The following PLXDC2 variants were observed in gnomAD, a reference collection of about 807,000 sequenced individuals.
The protein encoded by PLXDC2 is plexin domain containing 2, also known as plexin domain-containing protein 2.
PLXDC2 carries 40 observed loss-of-function variants against 68.9 expected under a neutral mutation model. The ratio of observed to expected loss-of-function variants is 0.58; its 90% CI spans 0.45 to 0.76. The LOEUF is 0.76. Ranked by LOEUF, PLXDC2 falls within the 30% of genes least tolerant of loss-of-function variation. PLXDC2 has a pLI of 0.00. For synonymous variants in PLXDC2, 243 were observed against 234.2 expected (o/e 1.04, Z -0.34); for missense variants, 644 against 661.9 (o/e 0.97, Z 0.30).
chr10:20,210,165 C>G (rs1282744972), intron 9 of PLXDC2, among the ~76,000 whole-genome samples: 2 of 152,136 alleles, frequency 1.3e-5, no homozygotes, highest in Non-Finnish European at 2.9e-5. Context: ...ATACCAAACC[C>G]TATATATACT....
chr10:20,150,289 G>C (rs180969616), intron 6 of PLXDC2, among the ~76,000 whole-genome samples: 59 of 152,278 alleles, frequency 3.9e-4, no homozygotes, highest in East Asian at 1.5e-3. Context: ...GTGGTGTTTG[G>C]TTACATGGAT....
At chr10:20,222,664 A>T (rs145742607) in intron 12 of PLXDC2, among the ~76,000 whole-genome samples, 1 of 152,144 alleles carries the variant, frequency 6.6e-6, no homozygotes, top group Non-Finnish European at 1.5e-5. Flanking sequence ...TTGATTGACC[A>T]TTGAAATGGC....
At chr10:19,881,990 T>C (rs1837736189) in intron 1 of PLXDC2, among the ~76,000 whole-genome samples, 1 of 152,198 alleles carries the variant, frequency 6.6e-6, no homozygotes, top group Admixed American at 6.5e-5. Context: ...TTGTTAGATA[T>C]TTTGGAAAGG....
chr10:19,873,450 A>T (rs1362933999), intron 1 of PLXDC2, among the ~76,000 whole-genome samples: 1 of 109,230 alleles, frequency 9.2e-6, no homozygotes, highest in Admixed American at 1.3e-4. Flanking sequence ...TTGCTCCCTT[A>T]CCCAGGCTGT....
In PLXDC2 at chr10:19,975,605, A is replaced by G. The variant is rs182358164; in HGVS notation, c.113-26170A>G. Reference sequence around the variant, plus strand: ...TGTTAGCTATCTTACTAATAAGAGCACTATTTAGAGCTGAGAAGTTTCAGA... The same window carrying G: ...TGTTAGCTATCTTACTAATAAGAGCGCTATTTAGAGCTGAGAAGTTTCAGA... On this transcript the variant is annotated intron_variant, in intron 1 of 13. Coordinates refer to ENST00000377252, the MANE Select transcript of PLXDC2 (RefSeq NM_032812.9). Among the ~76,000 whole-genome samples, 220 of 152,350 alleles carry G rather than the reference A, an allele frequency of 1.4e-3. 1 individual carries two copies. The highest frequency in any genetic ancestry group is 5.1e-3 in the African/African-American group (212 of 41,590).
chr10:20,244,931 A>G (rs984531230), intron 12 of PLXDC2, among the ~76,000 whole-genome samples: 2 of 152,172 alleles, frequency 1.3e-5, no homozygotes, highest in East Asian at 1.9e-4. Context: ...CCTGACCAAC[A>G]TGGTGAAATC....
intron 1 of PLXDC2, among the ~76,000 whole-genome samples, chr10:19,953,075 A>C (rs967290052): frequency 2.6e-5 from 4 of 152,180 alleles, no homozygotes; most frequent in African/African-American, 9.6e-5. Context: ...CATGTTGGCC[A>C]GGCTGGTCTC....
chr10:19,906,204 G>A (rs1833154758), intron 1 of PLXDC2, among the ~76,000 whole-genome samples: 1 of 152,116 alleles, frequency 6.6e-6, no homozygotes, highest in African/African-American at 2.4e-5. Flanking sequence ...ACATGCGTGT[G>A]TGTTGTAAGA....
chr10:19,948,206 ATAT>A (rs1833934802), intron 1 of PLXDC2, among the ~76,000 whole-genome samples: 1 of 152,140 alleles, frequency 6.6e-6, no homozygotes, highest in African/African-American at 2.4e-5. Flanking sequence ...GACATTCAGC[ATAT>A]TATTATTAGG....
intron 1 of PLXDC2, among the ~76,000 whole-genome samples, chr10:19,875,043 G>A (rs1250038752): frequency 6.6e-6 from 1 of 152,182 alleles, no homozygotes; most frequent in Non-Finnish European, 1.5e-5. Context: ...CCCTCTAACA[G>A]CATCACTCCT....
Position 20,155,075 on chromosome 10 carries a change from G to C in PLXDC2, c.783+7173G>C, listed in dbSNP as rs571328581. On this transcript the variant is annotated intron_variant, in intron 6 of 13. Transcript: ENST00000377252. ...TTCTATTTAAGTATTTAAACCTAAT[G>C]TTCCTTGGTGTCACATTTGCTGCTT... Among the ~76,000 whole-genome samples the C allele has an allele frequency of 8.1e-4, 123 of 152,232 alleles. 1 individual carries two copies. The highest frequency in any genetic ancestry group is 2.8e-3 in the African/African-American group (116 of 41,552).
At chr10:20,175,671 A>G (rs1454509251) in intron 7 of PLXDC2, among the ~76,000 whole-genome samples, 1 of 152,156 alleles carries the variant, frequency 6.6e-6, no homozygotes, top group Non-Finnish European at 1.5e-5. Flanking sequence ...TTTACAAAAA[A>G]TAAGGACAAA....
chr10:19,848,436 TTCCCCAGCAG>T, intron 1 of PLXDC2, among the ~76,000 whole-genome samples: 1 of 152,136 alleles, frequency 6.6e-6, no homozygotes, highest in African/African-American at 2.4e-5. Context: ...CTTCTACCAG[TTCCCCAGCAG>T]GTTTCTTGAC....
intron 1 of PLXDC2, among the ~76,000 whole-genome samples, chr10:19,986,221 T>G (rs563708945): frequency 6.6e-6 from 1 of 152,310 alleles, no homozygotes; most frequent in East Asian, 1.9e-4. Flanking sequence ...AAACGTATTA[T>G]GAACTAGTGA....
intron 3 of PLXDC2, among the ~76,000 whole-genome samples, chr10:20,058,169 A>G (rs1436343381): frequency 6.6e-6 from 1 of 152,158 alleles, no homozygotes; most frequent in Non-Finnish European, 1.5e-5. Context: ...TATTTTACAT[A>G]TTTATGGGGT....
At chr10:19,887,172 A>G (rs1340113951) in intron 1 of PLXDC2, among the ~76,000 whole-genome samples, 1 of 152,172 alleles carries the variant, frequency 6.6e-6, no homozygotes, top group Non-Finnish European at 1.5e-5. Flanking sequence ...TCTGTACACT[A>G]GAGTATGGAT....
intron 2 of PLXDC2, among the ~76,000 whole-genome samples, chr10:20,029,734 A>G (rs116189900): frequency 0.038 from 5,764 of 152,340 alleles, 149 homozygotes; most frequent in South Asian, 0.069. Flanking sequence ...CAGCAAAACC[A>G]TATTACGAAA....
At chr10:20,118,961 G>T in intron 4 of PLXDC2, among the ~76,000 whole-genome samples, 2 of 146,006 alleles carry the variant, frequency 1.4e-5, no homozygotes, top group Non-Finnish European at 1.5e-5. Context: ...TTCTGACACT[G>T]TATACCTTTT....
intron 1 of PLXDC2, among the ~76,000 whole-genome samples, chr10:19,994,151 T>A (rs1834799208): frequency 6.6e-6 from 1 of 151,822 alleles, no homozygotes; most frequent in African/African-American, 2.4e-5. Flanking sequence ...TGAACTGCAA[T>A]CATAAGTGTA....
Sources: allele counts gnomAD v4.1 joint callset (sites outside exome capture counted in the v4.1 genomes callset), GRCh38; gene constraint gnomAD v4.1.1; transcripts MANE v1.5; gene names NCBI Gene and HGNC (gene_info 2026-07-23, HGNC 2026-07-21).